ADGRL3: variants seen among roughly 807,000 people sequenced by gnomAD.
ADGRL3 encodes calcium-independent alpha-latrotoxin receptor 3.
ADGRL3 carries 62 observed loss-of-function variants against 153.5 expected under a neutral mutation model. The ratio of observed to expected loss-of-function variants is 0.40; its 90% confidence interval spans 0.33 to 0.50. The LOEUF is 0.50. ADGRL3 is among the 20% of genes least tolerant of loss of function. The pLI, the probability that ADGRL3 is intolerant of heterozygous loss-of-function variation, is 0.47. For synonymous variants in ADGRL3, 710 were observed against 672.5 expected, an observed-to-expected ratio of 1.06 and a Z score of -0.86; for missense variants, 1,641 against 1,859.4, an observed-to-expected ratio of 0.88 and a Z score of 2.16.
chr4:61,559,107 T>C (rs1402842025), intron 4 of ADGRL3, among the ~76,000 whole-genome samples: 8 of 152,094 alleles, frequency 5.3e-5, no homozygotes, highest in Non-Finnish European at 1.0e-4. Flanking sequence ...TTATCATGTA[T>C]TTTTCTATTT....
At chr4:61,441,519 CTT>C (rs141891357) in intron 2 of ADGRL3, among the ~76,000 whole-genome samples, 133,827 of 144,316 alleles carry the variant, frequency 0.93, 62,820 homozygotes, top group South Asian at 1. Context: ...CCCTCTCACT[CTT>C]TTTTTTTTTT....
intron 5 of ADGRL3, among the ~76,000 whole-genome samples, chr4:61,600,958 T>A (rs1477534278): frequency 6.6e-6 from 1 of 152,164 alleles, no homozygotes; most frequent in Non-Finnish European, 1.5e-5. Context: ...ACATATGCAG[T>A]TTAACCTTCA....
rs557785766 is a variant in ADGRL3 at position 61,368,247 on chromosome 4, T to C, written c.-239-14877T>C. On this transcript the variant is annotated intron_variant, in intron 1 of 26. Coordinates refer to ENST00000683033, the MANE Select transcript of ADGRL3 (RefSeq NM_001387552.1). ...GCAGAAGCTCTTTAGTTTAATTAGA[T>C]CCCATTTGTCAATTTTGGCTTTTGT... Among the ~76,000 whole-genome samples the C allele has an allele frequency of 3.3e-5, 5 of 152,310 alleles. No individual in the cohort carries two copies. The East Asian group carries it at 9.6e-4, about 29-fold the overall frequency.
chr4:61,582,389 C>G (rs950016028), intron 4 of ADGRL3, among the ~76,000 whole-genome samples: 1 of 151,978 alleles, frequency 6.6e-6, no homozygotes, highest in Non-Finnish European at 1.5e-5. Context: ...CTCCCTGTCT[C>G]CATGTGTTCT....
At chr4:61,924,879 TG>T (rs1232364561) in intron 13 of ADGRL3, among the ~76,000 whole-genome samples, 3 of 152,214 alleles carry the variant, frequency 2.0e-5, no homozygotes, top group African/African-American at 7.2e-5. Flanking sequence ...CATTTCACAC[TG>T]TACATTTTAC....
chr4:61,444,729 G>A (rs1578892908), intron 2 of ADGRL3, among the ~76,000 whole-genome samples: 1 of 152,170 alleles, frequency 6.6e-6, no homozygotes, highest in East Asian at 1.9e-4. Flanking sequence ...TTAAATACAA[G>A]AATCTCTGCA....
intron 6 of ADGRL3, among the ~76,000 whole-genome samples, chr4:61,697,510 G>C (rs1423428534): frequency 6.8e-6 from 1 of 148,094 alleles, no homozygotes; most frequent in Admixed American, 6.8e-5. Flanking sequence ...AGTAAGCCAA[G>C]ATCACGCCAT....
At chr4:61,672,453 A>T (rs1474453538) in intron 5 of ADGRL3, among the ~76,000 whole-genome samples, 2 of 152,124 alleles carry the variant, frequency 1.3e-5, no homozygotes, top group Non-Finnish European at 2.9e-5. Context: ...TCAGGAATTT[A>T]AACACCTCAA....
intron 1 of ADGRL3, among the ~76,000 whole-genome samples, chr4:61,341,860 A>G (rs2095814362): frequency 1.3e-5 from 2 of 152,120 alleles, no homozygotes; most frequent in African/African-American, 2.4e-5. Flanking sequence ...TGGAGAATAC[A>G]TTTGTAAAAG....
At chr4:61,985,369 C>T (rs1017045679) in intron 19 of ADGRL3, among the ~76,000 whole-genome samples, 1 of 151,708 alleles carries the variant, frequency 6.6e-6, no homozygotes, top group African/African-American at 2.4e-5. Flanking sequence ...GTAAAAGATG[C>T]TGATTTCTAT....
At chr4:61,446,344 T>C (rs2152495233) in intron 2 of ADGRL3, among the ~76,000 whole-genome samples, 1 of 152,342 alleles carries the variant, frequency 6.6e-6, no homozygotes, top group Non-Finnish European at 1.5e-5. Context: ...TTCTAGCAAA[T>C]ATATTTATTC....
intron 5 of ADGRL3, among the ~76,000 whole-genome samples, chr4:61,637,490 G>A (rs540108915): frequency 1.3e-4 from 20 of 152,258 alleles, no homozygotes; most frequent in East Asian, 3.9e-4. Context: ...GAGGCCTGGC[G>A]TGGTGACTTA....
chr4:61,347,905 G>T (rs1328378088), intron 1 of ADGRL3, among the ~76,000 whole-genome samples: 1 of 152,080 alleles, frequency 6.6e-6, no homozygotes, highest in East Asian at 1.9e-4. Flanking sequence ...TATCTAAAAA[G>T]ACTATATTCA....
intron 1 of ADGRL3, among the ~76,000 whole-genome samples, chr4:61,315,858 G>T (rs2095191838): frequency 6.6e-6 from 1 of 152,122 alleles, no homozygotes; most frequent in South Asian, 2.1e-4. Flanking sequence ...GACTAAGTTT[G>T]CCTTCTCCTT....
chr4:61,756,933 CAT>C (rs1267641932), intron 8 of ADGRL3, among the ~76,000 whole-genome samples: 1 of 152,132 alleles, frequency 6.6e-6, no homozygotes, highest in Non-Finnish European at 1.5e-5. Flanking sequence ...TATTGATTTG[CAT>C]ATGTTAAACC....
chr4:61,300,428 A>G (rs997929149), intron 1 of ADGRL3, among the ~76,000 whole-genome samples: 1 of 152,234 alleles, frequency 6.6e-6, no homozygotes, highest in Non-Finnish European at 1.5e-5. Context: ...TGTAAATTAC[A>G]TAGCCATCAT....
intron 17 of ADGRL3, among the ~76,000 whole-genome samples, chr4:61,959,248 A>T (rs1450877618): frequency 6.6e-6 from 1 of 152,156 alleles, no homozygotes; most frequent in Non-Finnish European, 1.5e-5. Flanking sequence ...TAACATTTCT[A>T]CTGTGGTTTT....
chr4:61,896,368 TACAA>T (rs2098631466), intron 11 of ADGRL3, among the ~76,000 whole-genome samples: 1 of 152,158 alleles, frequency 6.6e-6, no homozygotes, highest in African/African-American at 2.4e-5. Context: ...TTGATTTCAT[TACAA>T]ACAGAGACCA....
At chr4:61,437,632 T>C (rs72636143) in intron 2 of ADGRL3, among the ~76,000 whole-genome samples, 25,683 of 152,210 alleles carry the variant, frequency 0.17, 2,310 homozygotes, top group Middle Eastern at 0.26. Flanking sequence ...GAGTCTTCTT[T>C]ATAAAATATC....
Sources: allele counts gnomAD v4.1 joint callset (sites outside exome capture counted in the v4.1 genomes callset), GRCh38; gene constraint gnomAD v4.1.1; transcripts MANE v1.5; gene names NCBI Gene and HGNC (gene_info 2026-07-23, HGNC 2026-07-21).